Variants in NRBP2 observed in about 807,000 individuals in gnomAD.
NRBP2 encodes the protein nuclear receptor-binding protein 2.
Under a neutral mutation model 74.4 loss-of-function variants are expected in NRBP2, and 47 were observed. That is an observed-to-expected ratio of 0.63 (90% CI 0.50 to 0.81). NRBP2 has a LOEUF of 0.81. Among genes scored for constraint, NRBP2 ranks in the 30% least tolerant of loss-of-function variants. The pLI, the probability that NRBP2 is intolerant of heterozygous loss-of-function variation, is 0.00. For missense variants in NRBP2, 613 were observed against 690.1 expected, an observed-to-expected ratio of 0.89 and a Z score of 1.25; for synonymous variants, 312 against 273.8, an observed-to-expected ratio of 1.14 and a Z score of -1.38.
rs782601216 is a variant in NRBP2 at position 143,837,035 on chromosome 8, T to C, written c.1263+4A>G. 1.2e-6 allele frequency: 2 copies of C among 1,608,204 alleles called. No homozygotes were observed. Among genetic ancestry groups the C allele is most frequent in the African/African-American group, 1.3e-5 (1 of 74,464 alleles). ...GGCACTGAGCAGCAGGAGAGGGGACTCACCTTTCTGGTCTCAGAGTCAAAG... is the reference window on the plus strand; with the variant it reads ...GGCACTGAGCAGCAGGAGAGGGGACCCACCTTTCTGGTCTCAGAGTCAAAG... On this transcript the variant is annotated splice_donor_region_variant and intron_variant, in intron 14 of 17. Coordinates refer to ENST00000442628, the MANE Select transcript of NRBP2 (RefSeq NM_178564.4). This position sits in a 1 kb window ranked among gnomAD's most constrained non-coding sequence, Gnocchi z 4.3.
downstream of NRBP2, among the ~76,000 whole-genome samples, chr8:143,831,194 A>G (rs1818153208): frequency 6.6e-6 from 1 of 152,236 alleles, no homozygotes; most frequent in Admixed American, 6.5e-5. Context: ...GGATCCTCAC[A>G]ACCCAGTGCT....
In NRBP2 at chr8:143,837,432, GC is replaced by G; in HGVS notation, c.1050del (p.Arg352AlafsTer31). 1.2e-6 allele frequency: 2 copies of G among 1,606,750 alleles called. No homozygotes were observed. On this transcript the variant is annotated frameshift_variant, in exon 12 of 18. Transcript: ENST00000442628. LOFTEE classifies it high-confidence loss of function. The surrounding 1 kb of genome is among the most constrained non-coding windows in gnomAD (Gnocchi z 4.3). The part of the protein sequence containing the change: ...DLHAVLAELP[R>X]PRRPPLQWRY... ...CGCCACTGCAGCGGGGGCCTGCGGGGCCGGGGAAGCTCCGCCAAGACCGCGT... is the reference window on the plus strand; with the variant it reads ...CGCCACTGCAGCGGGGGCCTGCGGGGCGGGGAAGCTCCGCCAAGACCGCGT...
chr8:143,837,704 G>C lies in NRBP2; in HGVS notation c.892C>G (p.His298Asp). Residue 298 changes from histidine (H) to aspartate (D), a missense_variant, in exon 11 of 18, where the codon CAC becomes GAC. His to Asp is a moderately conservative substitution (Grantham distance 81). Transcript: ENST00000442628. This position sits in a 1 kb window ranked among gnomAD's most constrained non-coding sequence, Gnocchi z 4.3. ...AGCACGCGGTGGAAGAGGAGGCTGTGGGCAGAGGGCCGGCGGGCAGGGTCC... is the reference window on the plus strand; with the variant it reads ...AGCACGCGGTGGAAGAGGAGGCTGTCGGCAGAGGGCCGGCGGGCAGGGTCC... Reference protein sequence around the residue: ...ARDPARRPSAHSLLFHRVLFE... With the variant: ...ARDPARRPSADSLLFHRVLFE... The C allele has an allele frequency of 6.4e-7, 1 of 1,569,514 alleles. No homozygotes were observed. Among genetic ancestry groups the C allele is most frequent in the Non-Finnish European group, 8.6e-7 (1 of 1,156,858 alleles).
chr8:143,840,887 C>T lies in NRBP2; in HGVS notation c.-53G>A. ...CTGCGCGATCCGCCGCCGGCGCAGCCTCTCCCGGCCCGCCCTGGCCTCGCG... is the reference window on the plus strand; with the variant it reads ...CTGCGCGATCCGCCGCCGGCGCAGCTTCTCCCGGCCCGCCCTGGCCTCGCG... On this transcript the variant is annotated 5_prime_UTR_variant, in exon 1 of 18. Coordinates refer to ENST00000442628, the MANE Select transcript of NRBP2 (RefSeq NM_178564.4). The surrounding 1 kb of genome is among the most constrained non-coding windows in gnomAD (Gnocchi z 5.7). The T allele has an allele frequency of 7.9e-7, 1 of 1,260,852 alleles. No individual in the cohort carries two copies. Among genetic ancestry groups the T allele is most frequent in the Non-Finnish European group, 9.9e-7 (1 of 1,009,468 alleles). 78.1% of individuals were successfully genotyped at this position (1,260,852 alleles called of 1,614,324 possible). A position where few individuals can be genotyped will look rare whatever the true frequency, so the allele number is the denominator to read the frequency against.
chr8:143,838,667 G>T lies in NRBP2; in HGVS notation c.840+13C>A, dbSNP rs782310028. On this transcript the variant is annotated intron_variant, in intron 10 of 17. Coordinates refer to ENST00000442628, the MANE Select transcript of NRBP2 (RefSeq NM_178564.4). ...GGTGAGCCAGCTGGGGAGGGGCAGG[G>T]CAAGCTGCTTACCCGCATGTTGGGG... 2 of 1,592,994 alleles carry T rather than the reference G, an allele frequency of 1.3e-6. No homozygotes were observed. The highest frequency in any genetic ancestry group is 1.7e-5 in the Admixed American group (1 of 58,524).
In NRBP2 at chr8:143,837,029, G is replaced by C. The variant is rs1554651977; in HGVS notation, c.1263+10C>G. The C allele has an allele frequency of 6.2e-6, 10 of 1,607,054 alleles. No individual in the cohort carries two copies. Among genetic ancestry groups the C allele is most frequent in the African/African-American group, 1.3e-5 (1 of 74,250 alleles). Reference sequence around the variant, plus strand: ...AGGGATGGCACTGAGCAGCAGGAGAGGGGACTCACCTTTCTGGTCTCAGAG... The same window carrying C: ...AGGGATGGCACTGAGCAGCAGGAGACGGGACTCACCTTTCTGGTCTCAGAG... On this transcript the variant is annotated intron_variant, in intron 14 of 17. Transcript: ENST00000442628. The surrounding 1 kb of genome is among the most constrained non-coding windows in gnomAD (Gnocchi z 4.3).
Position 143,837,669 on chromosome 8 carries a change from C to CACCTCGAAGAGCACGCGGTGG in NRBP2, c.906_926dup (p.Arg304_His310dup), listed in dbSNP as rs1818481177. On this transcript the variant is annotated inframe_insertion, in exon 11 of 18. Coordinates refer to ENST00000442628, the MANE Select transcript of NRBP2 (RefSeq NM_178564.4). The surrounding 1 kb of genome is among the most constrained non-coding windows in gnomAD (Gnocchi z 4.3). ...GGGCTGCCAGGAGCTTCAGCGAGTG[C>CACCTCGAAGAGCACGCGGTGG]ACCTCGAAGAGCACGCGGTGGAAGA... 6.3e-7 allele frequency: 1 copy of CACCTCGAAGAGCACGCGGTGG among 1,592,524 alleles called. No individual in the cohort carries two copies. Among genetic ancestry groups the CACCTCGAAGAGCACGCGGTGG allele is most frequent in the Non-Finnish European group, 8.5e-7 (1 of 1,169,746 alleles).
downstream of NRBP2, among the ~76,000 whole-genome samples, chr8:143,831,799 C>G (rs1818174009): frequency 6.6e-6 from 1 of 152,134 alleles, no homozygotes; most frequent in South Asian, 2.1e-4. Context: ...GAGAATTACC[C>G]AAGTAATGGG....
chr8:143,840,577 G>C lies in NRBP2; in HGVS notation c.129+129C>G. ...GGGGTCCAGGGGTGGCTGATTCGCG[G>C]GCCGCGAGGGGCCGCGGAGAGGTTT... On this transcript the variant is annotated intron_variant, in intron 1 of 17. Coordinates refer to ENST00000442628, the MANE Select transcript of NRBP2 (RefSeq NM_178564.4). This position sits in a 1 kb window ranked among gnomAD's most constrained non-coding sequence, Gnocchi z 5.7. 2 of 956,282 alleles carry C rather than the reference G, an allele frequency of 2.1e-6. No individual in the cohort carries two copies. The highest frequency in any genetic ancestry group is 2.9e-6 in the Non-Finnish European group (2 of 687,666). The allele number at this position is 956,282 out of a possible 1,614,324, so 59.2% of individuals were successfully genotyped here.
intron 14 of NRBP2, 94 bp from the exon 15 acceptor site, chr8:143,836,274 AG>A (rs1818380322): frequency 3.5e-6 from 5 of 1,422,918 alleles, no homozygotes; most frequent in Non-Finnish European, 9.2e-7. Flanking sequence ...AAGACTGGAA[AG>A]GGGGGAATCT....
Position 143,837,072 on chromosome 8 carries a change from C to T in NRBP2, c.1230G>A (p.Pro410=), listed in dbSNP as rs782358055. The T allele has an allele frequency of 7.4e-5, 120 of 1,611,714 alleles. No individual in the cohort carries two copies. The highest frequency in any genetic ancestry group is 5.8e-4 in the East Asian group (26 of 44,870). The change falls in exon 14 of 18, where the codon CCG becomes CCA. Residue 410 remains proline, a synonymous_variant. Transcript: ENST00000442628. The surrounding 1 kb of genome is among the most constrained non-coding windows in gnomAD (Gnocchi z 4.3). ...TCTCAGAGTCAAAGGGCTCTGGCGT[C>T]GGGGTCTTGGCCTTTTGGACCTCCT... The part of the protein sequence containing the change: ...PPEEVQKAKT[P]TPEPFDSETR...
At position 143,835,156 on chromosome 8, in the gene NRBP2, C is replaced by G. The variant is rs545910348; in HGVS notation, c.*506G>C. The stretch of plus-strand genomic sequence containing the variant: ...GGTCCCTGTTGTGCCCAGTGCCATG[C>G]CTGACACCTGCAGGTGTGTCACCGC... On this transcript the variant is annotated 3_prime_UTR_variant, in exon 18 of 18. Transcript: ENST00000442628. This position sits in a 1 kb window ranked among gnomAD's most constrained non-coding sequence, Gnocchi z 4.9. 1 of 169,666 alleles carries G rather than the reference C, an allele frequency of 5.9e-6. No individual in the cohort carries two copies. The highest frequency in any genetic ancestry group is 1.3e-5 in the Non-Finnish European group (1 of 78,726). 10.5% of individuals were successfully genotyped at this position (169,666 alleles called of 1,614,324 possible).
intron 9 of NRBP2, 35 bp from the exon 10 acceptor site, chr8:143,838,810 G>A (rs1452456742): frequency 1.2e-6 from 2 of 1,611,068 alleles, no homozygotes; most frequent in African/African-American, 1.3e-5. Context: ...ATGGGGAAGG[G>A]ACCACACAGG....
Position 143,835,364 on chromosome 8 carries a change from G to C in NRBP2, c.*298C>G, listed in dbSNP as rs1818313408. On this transcript the variant is annotated 3_prime_UTR_variant, in exon 18 of 18. Coordinates refer to ENST00000442628, the MANE Select transcript of NRBP2 (RefSeq NM_178564.4). This position sits in a 1 kb window ranked among gnomAD's most constrained non-coding sequence, Gnocchi z 4.9. ...GCATGCTGAGGAGGCAGTGGCCCCG[G>C]CCAGGCAGCCTGGGTAGGAACTCAG... 1.9e-6 allele frequency: 1 copy of C among 516,186 alleles called. No homozygotes were observed. The highest frequency in any genetic ancestry group is 2.0e-5 in the African/African-American group (1 of 50,138). The allele number at this position is 516,186 out of a possible 1,614,324, so 32.0% of individuals were successfully genotyped here.
At position 143,837,543 on chromosome 8, in the gene NRBP2, A is replaced by C; in HGVS notation, c.974-34T>G. On this transcript the variant is annotated intron_variant, in intron 11 of 17. Coordinates refer to ENST00000442628, the MANE Select transcript of NRBP2 (RefSeq NM_178564.4). The surrounding 1 kb of genome is among the most constrained non-coding windows in gnomAD (Gnocchi z 4.3). ...ACAAGAGCATCAAGGCGGTGTGCTC[A>C]GGCCGTGGGTCCTGCAGGGCCCCTT... 6.3e-7 allele frequency: 1 copy of C among 1,599,124 alleles called. No individual in the cohort carries two copies. Among genetic ancestry groups the C allele is most frequent in the Non-Finnish European group, 8.5e-7 (1 of 1,173,146 alleles).
downstream of NRBP2, among the ~76,000 whole-genome samples, chr8:143,832,318 G>C (rs540819430): frequency 6.6e-6 from 1 of 152,094 alleles, no homozygotes; most frequent in East Asian, 1.9e-4. Context: ...GGAAAGCCAG[G>C]TATTGTCCAA....
chr8:143,840,720 T>C lies in NRBP2; in HGVS notation c.115A>G (p.Lys39Glu). ...CCCGCGCCCACCTGCTCCCGTCGCTTTTGCCAGCGACCACACGGGCTTTCC... is the reference window on the plus strand; with the variant it reads ...CCCGCGCCCACCTGCTCCCGTCGCTCTTGCCAGCGACCACACGGGCTTTCC... ...LEESPCGRWQ[K>E]RREQVNQGNM... The change falls in exon 1 of 18, where the codon AAG becomes GAG. Residue 39 changes from lysine (K) to glutamate (E), a missense_variant. Lys to Glu is a moderately conservative substitution (Grantham distance 56, BLOSUM62 1). Transcript: ENST00000442628. This position sits in a 1 kb window ranked among gnomAD's most constrained non-coding sequence, Gnocchi z 5.7. The C allele has an allele frequency of 6.6e-7, 1 of 1,508,964 alleles. No individual in the cohort carries two copies. Among genetic ancestry groups the C allele is most frequent in the South Asian group, 1.2e-5 (1 of 81,472 alleles). 93.5% of individuals were successfully genotyped at this position (1,508,964 alleles called of 1,614,324 possible).
At position 143,835,299 on chromosome 8, in the gene NRBP2, C is replaced by T; in HGVS notation, c.*363G>A. On this transcript the variant is annotated 3_prime_UTR_variant, in exon 18 of 18. Coordinates refer to ENST00000442628, the MANE Select transcript of NRBP2 (RefSeq NM_178564.4). The surrounding 1 kb of genome is among the most constrained non-coding windows in gnomAD (Gnocchi z 4.9). ...GTCTGTCCAGGGCTGACCCTCACCCCCAAGCCCCAGAGCTGGGGTTCCCTA... is the reference window on the plus strand; with the variant it reads ...GTCTGTCCAGGGCTGACCCTCACCCTCAAGCCCCAGAGCTGGGGTTCCCTA... 2.7e-6 allele frequency: 1 copy of T among 371,916 alleles called. No individual in the cohort carries two copies. The highest frequency in any genetic ancestry group is 5.0e-6 in the Non-Finnish European group (1 of 199,616). 23.0% of individuals were successfully genotyped at this position (371,916 alleles called of 1,614,324 possible). A position where few individuals can be genotyped will look rare whatever the true frequency, so the allele number is the denominator to read the frequency against.
intron 10 of NRBP2, among the ~76,000 whole-genome samples, chr8:143,838,242 C>T (rs1012184234): frequency 6.6e-6 from 1 of 152,188 alleles, no homozygotes; most frequent in Non-Finnish European, 1.5e-5. Flanking sequence ...CCATCCCATA[C>T]CTCTTTTTGC....
Sources: allele counts gnomAD v4.1 joint callset (sites outside exome capture counted in the v4.1 genomes callset), GRCh38; gene constraint gnomAD v4.1.1; non-coding constraint Gnocchi (gnomAD v3.1); transcripts MANE v1.5; gene names NCBI Gene and HGNC (gene_info 2026-07-23, HGNC 2026-07-21).